Variants in CD247 observed in about 807,000 individuals in gnomAD.
The protein encoded by CD247 is T-cell surface glycoprotein CD3 zeta chain.
In CD247, 13 loss-of-function variants were observed where a neutral mutation model predicts 30.0. That is an observed-to-expected ratio of 0.43 (90% confidence interval 0.28 to 0.69). The LOEUF (loss-of-function observed/expected upper bound fraction) is 0.69, where lower values mean the gene tolerates loss of function less well. Ranked by LOEUF, CD247 falls within the 30% of genes least tolerant of loss-of-function variation. CD247 has a pLI of 0.16. For synonymous variants in CD247, 72 were observed against 80.0 expected, an observed-to-expected ratio of 0.90 and a Z score of 0.53; for missense variants, 193 against 212.6, an observed-to-expected ratio of 0.91 and a Z score of 0.57.
At chr1:167,453,369 C>T (rs1320951177) in intron 1 of CD247, among the ~76,000 whole-genome samples, 5 of 152,070 alleles carry the variant, frequency 3.3e-5, no homozygotes, top group African/African-American at 7.2e-5. Flanking sequence ...CAGGTCTTGC[C>T]GGGCCTTTGT....
At chr1:167,517,258 C>T (rs754485468) in intron 1 of CD247, among the ~76,000 whole-genome samples, 3 of 152,220 alleles carry the variant, frequency 2.0e-5, no homozygotes, top group Non-Finnish European at 4.4e-5. Context: ...CTGTGCCTGG[C>T]TCCCTGGTGG....
intron 5 of CD247, chr1:167,434,891 A>AC (rs1211557598): frequency 4.3e-6 from 2 of 466,580 alleles, no homozygotes; most frequent in Non-Finnish European, 8.6e-6. Context: ...GTGAGGAGCA[A>AC]CCGCCTTCCT....
At chr1:167,440,393 C>G (rs1651769764) in intron 2 of CD247, 2 of 520,368 alleles carry the variant, frequency 3.8e-6, no homozygotes, top group Non-Finnish European at 7.0e-6. Flanking sequence ...GCATCGCCTT[C>G]CCTGGGACAC....
At position 167,433,886 on chromosome 1, in the gene CD247, G is replaced by A. The variant is rs370708548; in HGVS notation, c.393+134C>T. On this transcript the variant is annotated intron_variant, in intron 6 of 7. Transcript: ENST00000362089. ...GCCCGGCTGGGTGACAGCCAGGTTC[G>A]CCTTCACCTCTGATGGCCACCACAT... 297 of 835,946 alleles carry A rather than the reference G, an allele frequency of 3.6e-4. No homozygotes were observed. The Middle Eastern group carries it at 5.3e-3, about 15-fold the overall frequency. The allele number at this position is 835,946 out of a possible 1,614,324, so 51.8% of individuals were successfully genotyped here.
At chr1:167,487,751 C>A (rs1310172028) in intron 1 of CD247, among the ~76,000 whole-genome samples, 3 of 152,164 alleles carry the variant, frequency 2.0e-5, no homozygotes, top group East Asian at 3.9e-4. Context: ...TTTTTCGAGA[C>A]AGGGTCTCAC....
chr1:167,459,348 C>CTTTTTTTTTT (rs34706916), intron 1 of CD247, among the ~76,000 whole-genome samples: 12 of 80,422 alleles, frequency 1.5e-4, no homozygotes, highest in Non-Finnish European at 2.3e-4. Context: ...CCTTACAACT[C>CTTTTTTTTTT]TTTTTTTTTT....
In CD247 at chr1:167,518,486, G is replaced by A. The variant is rs760813501; in HGVS notation, c.-21C>T. 5.6e-6 allele frequency: 9 copies of A among 1,612,474 alleles called. No homozygotes were observed. The highest frequency in any genetic ancestry group is 7.6e-6 in the Non-Finnish European group (9 of 1,178,890). The stretch of plus-strand genomic sequence containing the variant: ...TTCATCTTGTCCTTTCCCTCAGAAA[G>A]AGGCTGGGAGGCAGAGGCTGAGGCA... On this transcript the variant is annotated 5_prime_UTR_variant, in exon 1 of 8. Coordinates refer to ENST00000362089, the MANE Select transcript of CD247 (RefSeq NM_198053.3).
At chr1:167,441,849 G>A (rs955697295) in intron 1 of CD247, among the ~76,000 whole-genome samples, 17 of 152,240 alleles carry the variant, frequency 1.1e-4, no homozygotes, top group African/African-American at 3.1e-4. Flanking sequence ...GGTGGCTCAC[G>A]CCTGTAATCC....
At position 167,487,705 on chromosome 1, in the gene CD247, G is replaced by T. The variant is rs980307916; in HGVS notation, c.58+30703C>A. Among the ~76,000 whole-genome samples the T allele has an allele frequency of 8.5e-5, 13 of 152,230 alleles. 1 individual carries two copies. The highest frequency in any genetic ancestry group is 1.2e-4 in the Non-Finnish European group (8 of 68,050). On this transcript the variant is annotated intron_variant, in intron 1 of 7. Transcript: ENST00000362089. ...AGAATGAGTACCAGGCTAGCAGTGA[G>T]AAGTGTGGGTCCTACTCCCACCACA...
rs1206633220 is a variant in CD247, at chr1:167,485,799, TC to T, written c.58+32608del. Among the ~76,000 whole-genome samples, 2 of 152,038 alleles carry T rather than the reference TC, an allele frequency of 1.3e-5. 1 individual carries two copies. On this transcript the variant is annotated intron_variant, in intron 1 of 7. Coordinates refer to ENST00000362089, the MANE Select transcript of CD247 (RefSeq NM_198053.3). ...GTGGGTATAATTCATCTTAACTATTTCCCACCAAAACAATATGACTTTTACT... is the reference window on the plus strand; with the variant it reads ...GTGGGTATAATTCATCTTAACTATTTCCACCAAAACAATATGACTTTTACT...
rs913582796 is a variant in CD247, at chr1:167,430,697, A to G, written c.*984T>C. The G allele has an allele frequency of 2.5e-6, 1 of 398,594 alleles. No homozygotes were observed. Among genetic ancestry groups the G allele is most frequent in the Non-Finnish European group, 4.4e-6 (1 of 226,090 alleles). 24.7% of individuals were successfully genotyped at this position (398,594 alleles called of 1,614,324 possible). A position where few individuals can be genotyped will look rare whatever the true frequency, so the allele number is the denominator to read the frequency against. On this transcript the variant is annotated 3_prime_UTR_variant, in exon 8 of 8. Transcript: ENST00000362089. ...TAGGAAGGCTTTAGCATGCCAGTAT[A>G]AATTAAAACAGTAGAAAAAAAGCAG... is the stretch of plus-strand genomic sequence containing the variant.
At chr1:167,460,195 G>A (rs753372136) in intron 1 of CD247, among the ~76,000 whole-genome samples, 4 of 151,996 alleles carry the variant, frequency 2.6e-5, no homozygotes, top group Non-Finnish European at 5.9e-5. Context: ...TGAGCCCAGG[G>A]GTTTGAGACT....
In CD247 at chr1:167,431,527, A is replaced by G. The variant is rs577726975; in HGVS notation, c.*154T>C. The stretch of plus-strand genomic sequence containing the variant: ...TGCAGGGACAACAGTCTGTGTGTGA[A>G]GGTTTGGAGCTAAATATAACCAAAG... On this transcript the variant is annotated 3_prime_UTR_variant, in exon 8 of 8. Coordinates refer to ENST00000362089, the MANE Select transcript of CD247 (RefSeq NM_198053.3). 1.3e-5 allele frequency: 10 copies of G among 756,740 alleles called. No homozygotes were observed. The East Asian group carries it at 2.0e-4, about 15-fold the overall frequency. 46.9% of individuals were successfully genotyped at this position (756,740 alleles called of 1,614,324 possible).
chr1:167,494,961 C>A lies in CD247; in HGVS notation c.58+23447G>T, dbSNP rs985973045. Among the ~76,000 whole-genome samples, 1 of 152,174 alleles carries A rather than the reference C, an allele frequency of 6.6e-6. No homozygotes were observed. The highest frequency in any genetic ancestry group is 1.5e-5 in the Non-Finnish European group (1 of 68,038). On this transcript the variant is annotated intron_variant, in intron 1 of 7. Transcript: ENST00000362089. The surrounding 1 kb of genome is among the most constrained non-coding windows in gnomAD (Gnocchi z 7.3). ...GGACTCTGTTCTCTCCCCACCTGGA[C>A]CTTGTGTCCGAGGAGCAGTGTTGGA...
At chr1:167,449,155 T>TCTTTTTC (rs1558000501) in intron 1 of CD247, among the ~76,000 whole-genome samples, 1 of 61,598 alleles carries the variant, frequency 1.6e-5, no homozygotes, top group African/African-American at 7.3e-5. Context: ...TTTTCTTTTT[T>TCTTTTTC]TTTTTTTTTT....
At chr1:167,457,698 A>G (rs1227981362) in intron 1 of CD247, 1 of 152,174 alleles carries the variant, frequency 6.6e-6, no homozygotes, top group Admixed American at 6.5e-5. Context: ...ATCTTCCCCT[A>G]AGGATTCCTT....
intron 1 of CD247, among the ~76,000 whole-genome samples, chr1:167,443,020 C>T (rs1557997406): frequency 1.3e-5 from 2 of 152,126 alleles, no homozygotes; most frequent in Non-Finnish European, 2.9e-5. Context: ...CCCTGGCCTG[C>T]TGAGCTAGAT....
intron 1 of CD247, among the ~76,000 whole-genome samples, chr1:167,481,924 C>T (rs1232046759): frequency 2.6e-5 from 4 of 152,182 alleles, no homozygotes; most frequent in African/African-American, 9.7e-5. Context: ...AGGCCTCTGA[C>T]CAAGTTGATC....
At chr1:167,491,940 TAG>T (rs1654468140) in intron 1 of CD247, among the ~76,000 whole-genome samples, 1 of 152,034 alleles carries the variant, frequency 6.6e-6, no homozygotes, top group Admixed American at 6.6e-5. Context: ...AGACAAAAAG[TAG>T]AATAGTGGTT....
Sources: gnomAD v4.1 joint callset for allele counts (sites outside exome capture counted in the v4.1 genomes callset) on GRCh38, gnomAD v4.1.1 for gene constraint, Gnocchi (gnomAD v3.1) non-coding constraint, MANE v1.5 for transcripts, NCBI Gene and HGNC (gene_info 2026-07-23, HGNC 2026-07-21) for gene names.